Variants in PRKAR1B observed in about 807,000 individuals in gnomAD.
The protein encoded by PRKAR1B is protein kinase cAMP-dependent type I regulatory subunit beta.
PRKAR1B carries 22 observed loss-of-function variants against 46.5 expected under a neutral mutation model. That is an observed-to-expected ratio of 0.47 (90% CI 0.34 to 0.68). The LOEUF (loss-of-function observed/expected upper bound fraction) is 0.68, where lower values mean the gene tolerates loss of function less well. PRKAR1B is among the 30% of genes least tolerant of loss of function. PRKAR1B has a pLI of 0.01. For synonymous variants in PRKAR1B, 259 were observed against 217.7 expected (o/e 1.19, Z -1.67); for missense variants, 445 against 535.6 (o/e 0.83, Z 1.67).
At chr7:725,080 C>T (rs576271290) in intron 1 of PRKAR1B, among the ~76,000 whole-genome samples, 2 of 151,770 alleles carry the variant, frequency 1.3e-5, no homozygotes, top group Non-Finnish European at 1.5e-5. Flanking sequence ...TGGGCGTGGT[C>T]GTGGGCACCT....
chr7:665,080 A>G (rs1785829885), intron 4 of PRKAR1B, among the ~76,000 whole-genome samples: 2 of 152,164 alleles, frequency 1.3e-5, no homozygotes, highest in Non-Finnish European at 2.9e-5. Context: ...GGTATTAGAT[A>G]GCGCCAGCCC....
intron 4 of PRKAR1B, among the ~76,000 whole-genome samples, chr7:652,143 A>G (rs527965740): frequency 7.2e-6 from 1 of 138,036 alleles, no homozygotes; most frequent in African/African-American, 2.9e-5. Flanking sequence ...GTTCACACCC[A>G]CACAGTGCTA....
At chr7:563,088 C>A (rs1778906491) in intron 9 of PRKAR1B, among the ~76,000 whole-genome samples, 1 of 152,176 alleles carries the variant, frequency 6.6e-6, no homozygotes, top group Non-Finnish European at 1.5e-5. Flanking sequence ...CCCAGGAGAG[C>A]CTGGGCCCGG....
intron 2 of PRKAR1B, among the ~76,000 whole-genome samples, chr7:683,104 A>G (rs1778791207): frequency 6.6e-6 from 1 of 152,190 alleles, no homozygotes; most frequent in Non-Finnish European, 1.5e-5. Flanking sequence ...AACCAGGCCA[A>G]GTTCCCTACC....
At chr7:601,970 G>A (rs1208098859) in intron 6 of PRKAR1B, among the ~76,000 whole-genome samples, 2 of 152,054 alleles carry the variant, frequency 1.3e-5, no homozygotes, top group African/African-American at 4.8e-5. Flanking sequence ...GGATTTGCCA[G>A]GACAATATAT....
At position 685,305 on chromosome 7, in the gene PRKAR1B, T is replaced by C. The variant is rs868491286; in HGVS notation, c.178-4579A>G. 3.0e-4 allele frequency among the ~76,000 whole-genome samples: 4 copies of C among 13,510 alleles called. 1 individual carries two copies. Among genetic ancestry groups the C allele is most frequent in the Non-Finnish European group, 3.9e-4 (3 of 7,622 alleles). 8.9% of individuals were successfully genotyped at this position (13,510 alleles called of 152,430 possible). On this transcript the variant is annotated intron_variant, in intron 2 of 10. Coordinates refer to ENST00000537384, the MANE Select transcript of PRKAR1B (RefSeq NM_001164760.2). ...GTATATATATGTATACATATATATA[T>C]ACGTATATATACGTATATATACGTA...
intron 2 of PRKAR1B, among the ~76,000 whole-genome samples, chr7:687,606 G>A (rs1036956737): frequency 1.3e-5 from 2 of 152,192 alleles, no homozygotes; most frequent in Admixed American, 6.6e-5. Context: ...ATGTGAATTC[G>A]AGTTCCAGAT....
chr7:554,530 A>T (rs1397767592), intron 9 of PRKAR1B, among the ~76,000 whole-genome samples: 5 of 152,254 alleles, frequency 3.3e-5, no homozygotes, highest in African/African-American at 1.2e-4. Flanking sequence ...GACCCCAAAT[A>T]GCAGAAAACC....
intron 4 of PRKAR1B, among the ~76,000 whole-genome samples, chr7:669,951 C>T (rs1397817744): frequency 1.9e-4 from 28 of 147,324 alleles, no homozygotes; most frequent in African/African-American, 6.3e-4. Context: ...CTGCAAGCTC[C>T]GCCTCCCAGG....
chr7:640,355 T>C (rs986249072), intron 4 of PRKAR1B, among the ~76,000 whole-genome samples: 84 of 152,156 alleles, frequency 5.5e-4, no homozygotes, highest in African/African-American at 2.0e-3. Context: ...AAGAACTCAA[T>C]CTTAAAATAG....
chr7:713,980 C>G (rs2128531446), intron 1 of PRKAR1B, among the ~76,000 whole-genome samples: 1 of 152,328 alleles, frequency 6.6e-6, no homozygotes, highest in South Asian at 2.1e-4. Context: ...AATTAGAACT[C>G]CATCCCACAA....
intron 7 of PRKAR1B, among the ~76,000 whole-genome samples, chr7:587,668 A>T (rs1289509180): frequency 2.6e-5 from 4 of 152,232 alleles, no homozygotes; most frequent in African/African-American, 9.6e-5. Context: ...GGTGGGAAAG[A>T]GCAGCCCTGG....
At chr7:599,392 G>A (rs1781464429) in intron 6 of PRKAR1B, among the ~76,000 whole-genome samples, 1 of 151,964 alleles carries the variant, frequency 6.6e-6, no homozygotes, top group African/African-American at 2.4e-5. Flanking sequence ...CTGCCTCCCA[G>A]GTTCAAGCGA....
chr7:673,669 T>G (rs905540771), intron 4 of PRKAR1B, among the ~76,000 whole-genome samples: 17 of 151,682 alleles, frequency 1.1e-4, no homozygotes, highest in African/African-American at 3.4e-4. Context: ...AAAAATAGTC[T>G]TCAGCTCTTC....
chr7:658,052 C>T (rs917815796), intron 4 of PRKAR1B, among the ~76,000 whole-genome samples: 4 of 152,124 alleles, frequency 2.6e-5, no homozygotes, highest in South Asian at 4.1e-4. Flanking sequence ...ACAGCAGCTC[C>T]GTGAGCCAGC....
At chr7:678,928 A>G (rs925725119) in intron 3 of PRKAR1B, among the ~76,000 whole-genome samples, 1 of 152,166 alleles carries the variant, frequency 6.6e-6, no homozygotes, top group African/African-American at 2.4e-5. Context: ...TCTACTAAAA[A>G]TACAAAAAAA....
intron 4 of PRKAR1B, among the ~76,000 whole-genome samples, chr7:673,195 G>A (rs1486604013): frequency 1.3e-5 from 2 of 151,784 alleles, no homozygotes; most frequent in East Asian, 1.9e-4. Context: ...CTAGCAAGGC[G>A]CAGCTGGGAC....
chr7:602,961 CACG>C lies in PRKAR1B; in HGVS notation c.549+3229_549+3231del, dbSNP rs1781728930. On this transcript the variant is annotated intron_variant, in intron 6 of 10. Coordinates refer to ENST00000537384, the MANE Select transcript of PRKAR1B (RefSeq NM_001164760.2). This position sits in a 1 kb window ranked among gnomAD's most constrained non-coding sequence, Gnocchi z 6.4. Reference sequence around the variant, plus strand: ...GACCCGTCCACCACCCTCCTCGAGACACGACAAGTTAGGCGGGAACATAACCTG... The same window carrying C: ...GACCCGTCCACCACCCTCCTCGAGACACAAGTTAGGCGGGAACATAACCTG... Among the ~76,000 whole-genome samples, 1 of 152,182 alleles carries C rather than the reference CACG, an allele frequency of 6.6e-6. No homozygotes were observed. Among genetic ancestry groups the C allele is most frequent in the Admixed American group, 6.5e-5 (1 of 15,280 alleles).
At chr7:576,960 C>T (rs745701552) in intron 9 of PRKAR1B, among the ~76,000 whole-genome samples, 7 of 151,964 alleles carry the variant, frequency 4.6e-5, no homozygotes, top group Non-Finnish European at 1.5e-5. Flanking sequence ...CATCTTCCAA[C>T]GCCATCAGCG....
Sources: allele counts gnomAD v4.1 joint callset (sites outside exome capture counted in the v4.1 genomes callset), GRCh38; gene constraint gnomAD v4.1.1; non-coding constraint Gnocchi (gnomAD v3.1); transcripts MANE v1.5; gene names NCBI Gene and HGNC (gene_info 2026-07-23, HGNC 2026-07-21).